Variants in STPG2 observed in about 807,000 individuals in gnomAD.
The protein encoded by STPG2 is sperm tail PG-rich repeat containing 2.
STPG2 carries 56 observed loss-of-function variants against 54.2 expected under a neutral mutation model. The observed-to-expected ratio is 1.03, with a 90% confidence interval of 0.83 to 1.29. STPG2 has a LOEUF of 1.29. Among genes scored for constraint, STPG2 ranks in the 50% most tolerant of loss-of-function variants. The probability of loss-of-function intolerance (pLI) is 0.00; values close to 1 mark genes in which losing one functional copy is unlikely to be tolerated. For missense variants in STPG2, 596 were observed against 544.9 expected (o/e 1.09, Z -0.93); for synonymous variants, 200 against 181.8 (o/e 1.10, Z -0.81).
intron 3 of STPG2, among the ~76,000 whole-genome samples, chr4:98,109,898 C>T (rs565692968): frequency 6.6e-6 from 1 of 152,018 alleles, no homozygotes; most frequent in Non-Finnish European, 1.5e-5. Flanking sequence ...TTCCTTTATA[C>T]CCACTACAAT....
At chr4:97,677,166 G>T (rs975823443) in intron 10 of STPG2, among the ~76,000 whole-genome samples, 1 of 152,102 alleles carries the variant, frequency 6.6e-6, no homozygotes, top group Non-Finnish European at 1.5e-5. Flanking sequence ...GGTACTATCT[G>T]CTCATAAACC....
intron 10 of STPG2, among the ~76,000 whole-genome samples, chr4:97,661,489 G>T (rs986548038): frequency 1.3e-5 from 2 of 152,046 alleles, no homozygotes; most frequent in African/African-American, 4.8e-5. Context: ...TCAAAACAAT[G>T]CTATACTGTC....
At chr4:97,862,477 A>G (rs775308359) in intron 8 of STPG2, among the ~76,000 whole-genome samples, 40 of 152,168 alleles carry the variant, frequency 2.6e-4, no homozygotes, top group Admixed American at 3.9e-4. Context: ...AGAGACTTAG[A>G]CTCCCACACA....
chr4:97,732,928 A>T (rs1326316768), intron 9 of STPG2, among the ~76,000 whole-genome samples: 1 of 152,150 alleles, frequency 6.6e-6, no homozygotes, highest in Non-Finnish European at 1.5e-5. Flanking sequence ...AAAAAGTAAC[A>T]AAAACCATAG....
intron 10 of STPG2, among the ~76,000 whole-genome samples, chr4:97,637,894 A>G (rs955787141): frequency 1.4e-4 from 22 of 152,260 alleles, no homozygotes; most frequent in East Asian, 7.7e-4. Context: ...GGAAGAATCA[A>G]TATCGTGAAA....
At chr4:97,601,972 G>T (rs957935364) in intron 10 of STPG2, among the ~76,000 whole-genome samples, 1 of 149,138 alleles carries the variant, frequency 6.7e-6, no homozygotes, top group Non-Finnish European at 1.5e-5. Context: ...TCTTTTGTTA[G>T]ATTTATTTCT....
At chr4:97,970,329 C>CA (rs1734279970) in intron 7 of STPG2, among the ~76,000 whole-genome samples, 2 of 151,956 alleles carry the variant, frequency 1.3e-5, no homozygotes, top group South Asian at 4.1e-4. Flanking sequence ...CATATGGAAC[C>CA]AAAAAAGAGC....
chr4:97,845,386 G>A (rs533094171), intron 8 of STPG2, among the ~76,000 whole-genome samples: 2 of 151,708 alleles, frequency 1.3e-5, no homozygotes, highest in African/African-American at 4.8e-5. Context: ...ATTATAAGGT[G>A]GTTTATTCTA....
chr4:97,566,806 C>T (rs1262475646), intron 10 of STPG2, among the ~76,000 whole-genome samples: 2 of 149,712 alleles, frequency 1.3e-5, no homozygotes, highest in African/African-American at 5.0e-5. Flanking sequence ...ACTGCATATT[C>T]TCACTCATAG....
chr4:97,504,135 T>A (rs1403929224), intron 4 of STPG2, among the ~76,000 whole-genome samples: 1 of 145,896 alleles, frequency 6.9e-6, no homozygotes, highest in Non-Finnish European at 1.5e-5. Context: ...TATTTTATTT[T>A]ATTTAATATT....
intron 3 of STPG2, among the ~76,000 whole-genome samples, chr4:98,126,666 C>T (rs1489981769): frequency 6.6e-6 from 1 of 152,188 alleles, no homozygotes; most frequent in African/African-American, 2.4e-5. Flanking sequence ...GTGAGAGCCA[C>T]AGACCACAGC....
chr4:98,108,505 C>T (rs1739250813), intron 4 of STPG2, among the ~76,000 whole-genome samples: 1 of 152,096 alleles, frequency 6.6e-6, no homozygotes, highest in Non-Finnish European at 1.5e-5. Context: ...CTTACACTGA[C>T]TGAGAATGCC....
At chr4:97,800,240 TGGA>T (rs1407894523) in intron 9 of STPG2, among the ~76,000 whole-genome samples, 1 of 152,232 alleles carries the variant, frequency 6.6e-6, no homozygotes, top group Non-Finnish European at 1.5e-5. Context: ...TGCGTTCCTT[TGGA>T]GGAGGAGAGG....
At chr4:97,633,168 G>A (rs1257650331) in intron 10 of STPG2, among the ~76,000 whole-genome samples, 1 of 151,952 alleles carries the variant, frequency 6.6e-6, no homozygotes, top group Non-Finnish European at 1.5e-5. Flanking sequence ...TATAATAATT[G>A]AATTGATCTA....
At chr4:97,581,679 ATAT>A (rs1302423606) in intron 10 of STPG2, among the ~76,000 whole-genome samples, 1 of 152,108 alleles carries the variant, frequency 6.6e-6, no homozygotes, top group Admixed American at 6.6e-5. Flanking sequence ...GATTATTGTA[ATAT>A]TATGGTCAAA....
At chr4:97,445,335 C>A (rs1729194982) in intron 4 of STPG2, among the ~76,000 whole-genome samples, 2 of 152,124 alleles carry the variant, frequency 1.3e-5, no homozygotes, top group African/African-American at 4.8e-5. Flanking sequence ...ATACAATCTA[C>A]TGATGAATTA....
chr4:97,639,210 T>C (rs1005672414), intron 10 of STPG2, among the ~76,000 whole-genome samples: 3 of 151,690 alleles, frequency 2.0e-5, no homozygotes, highest in African/African-American at 4.8e-5. Flanking sequence ...ATGGATGAAA[T>C]TGGAAATCAT....
At chr4:97,952,635 C>G (rs1356219698) in intron 7 of STPG2, among the ~76,000 whole-genome samples, 2 of 152,262 alleles carry the variant, frequency 1.3e-5, no homozygotes, top group South Asian at 2.1e-4. Flanking sequence ...TTCCTCAAGT[C>G]TCCCAGCATC....
At chr4:97,682,234 G>T (rs1197787121) in intron 10 of STPG2, among the ~76,000 whole-genome samples, 1 of 151,738 alleles carries the variant, frequency 6.6e-6, no homozygotes, top group African/African-American at 2.4e-5. Context: ...ACAGCCAAGA[G>T]AGTCAAGATA....
Sources: gnomAD v4.1 joint callset for allele counts (sites outside exome capture counted in the v4.1 genomes callset) on GRCh38, gnomAD v4.1.1 for gene constraint, MANE v1.5 for transcripts, NCBI Gene and HGNC (gene_info 2026-07-23, HGNC 2026-07-21) for gene names.